The following DCDC2C variants were observed in gnomAD, a reference collection of about 807,000 sequenced individuals.
DCDC2C encodes doublecortin domain containing 2C, also known as doublecortin domain-containing protein 2C.
DCDC2C carries 44 observed loss-of-function variants against 45.0 expected under a neutral mutation model. The ratio of observed to expected loss-of-function variants is 0.98; its 90% confidence interval spans 0.77 to 1.26. DCDC2C has a LOEUF of 1.26. DCDC2C is among the 50% of genes most tolerant of loss of function. DCDC2C has a pLI of 0.00. For synonymous variants in DCDC2C, 187 were observed against 178.8 expected, an observed-to-expected ratio of 1.05 and a Z score of -0.37; for missense variants, 447 against 468.9, an observed-to-expected ratio of 0.95 and a Z score of 0.43.
At chr2:3,746,739 A>G (rs886284563) in intron 4 of DCDC2C, among the ~76,000 whole-genome samples, 6 of 152,356 alleles carry the variant, frequency 3.9e-5, no homozygotes, top group African/African-American at 9.6e-5. Flanking sequence ...TAAGGGAAAC[A>G]GATACACTGC....
intron 1 of DCDC2C, among the ~76,000 whole-genome samples, chr2:3,705,358 A>G (rs1379087638): frequency 6.6e-6 from 1 of 152,194 alleles, no homozygotes; most frequent in African/African-American, 2.4e-5. Flanking sequence ...GAATTCATGG[A>G]CAAAATTATA....
chr2:3,769,516 C>T, intron 8 of DCDC2C, 105 bp downstream of exon 8: 1 of 1,013,364 alleles, frequency 9.9e-7, no homozygotes, highest in South Asian at 1.5e-5. Flanking sequence ...TCTCTCTGGA[C>T]TCTAGAATGT....
In DCDC2C at chr2:3,847,300, C is replaced by T. The variant is rs1342092593; in HGVS notation, c.*117C>T. 2 of 657,484 alleles carry T rather than the reference C, an allele frequency of 3.0e-6. No individual in the cohort carries two copies. The highest frequency in any genetic ancestry group is 4.3e-6 in the Non-Finnish European group (2 of 464,272). The allele number at this position is 657,484 out of a possible 1,614,324, so 40.7% of individuals were successfully genotyped here. A position where few individuals can be genotyped will look rare whatever the true frequency, so the allele number is the denominator to read the frequency against. ...CATGTGGGGTGAAACTAAAGCCCCA[C>T]ACAGTGGTGTCTTCTCGAAAGCCAA... is the stretch of plus-strand genomic sequence containing the variant. On this transcript the variant is annotated 3_prime_UTR_variant, in exon 11 of 11. Transcript: ENST00000399143.
At chr2:3,713,855 A>G (rs1668282801) in intron 2 of DCDC2C, among the ~76,000 whole-genome samples, 2 of 152,358 alleles carry the variant, frequency 1.3e-5, no homozygotes, top group African/African-American at 2.4e-5. Flanking sequence ...CTCAATAAGT[A>G]GTTAGTGCTA....
intron 10 of DCDC2C, among the ~76,000 whole-genome samples, chr2:3,806,677 G>A (rs1572631937): frequency 6.6e-6 from 1 of 151,884 alleles, no homozygotes; most frequent in African/African-American, 2.4e-5. Context: ...TGAGTAGCTG[G>A]GATTACAGGC....
At chr2:3,771,758 G>A (rs1037403947) in intron 8 of DCDC2C, among the ~76,000 whole-genome samples, 1 of 152,168 alleles carries the variant, frequency 6.6e-6, no homozygotes, top group African/African-American at 2.4e-5. Flanking sequence ...GAGAACTTGC[G>A]CGAGCGTGGC....
Position 3,703,977 on chromosome 2 carries a change from G to C in DCDC2C, c.226G>C (p.Asp76His). ...PTRGHRVLGLDALQAGGKYVA... is the reference protein window; with the variant it reads ...PTRGHRVLGLHALQAGGKYVA... ...GCGTGGGCACCGGGTGCTGGGGCTGGACGCGCTGCAGGCGGGCGGCAAGTA... is the reference window on the plus strand; with the variant it reads ...GCGTGGGCACCGGGTGCTGGGGCTGCACGCGCTGCAGGCGGGCGGCAAGTA... The change falls in exon 1 of 11, where the codon GAC becomes CAC. Residue 76 changes from aspartate to histidine, a missense_variant. Transcript: ENST00000399143. This position sits in a 1 kb window ranked among gnomAD's most constrained non-coding sequence, Gnocchi z 4.4. 7.7e-7 allele frequency: 1 copy of C among 1,304,010 alleles called. No homozygotes were observed. The allele number at this position is 1,304,010 out of a possible 1,614,324, so 80.8% of individuals were successfully genotyped here.
chr2:3,792,962 G>C (rs1024761221), intron 10 of DCDC2C, among the ~76,000 whole-genome samples: 1 of 152,200 alleles, frequency 6.6e-6, no homozygotes, highest in Non-Finnish European at 1.5e-5. Context: ...GCATCTGGGA[G>C]TTTTAACTCA....
intron 10 of DCDC2C, among the ~76,000 whole-genome samples, chr2:3,816,712 C>G (rs932455295): frequency 6.6e-6 from 1 of 152,150 alleles, no homozygotes; most frequent in Admixed American, 6.5e-5. Context: ...TTAAGAGAGA[C>G]TTAAGGGTGG....
At chr2:3,729,374 C>T (rs563705052) in intron 3 of DCDC2C, among the ~76,000 whole-genome samples, 4 of 152,346 alleles carry the variant, frequency 2.6e-5, no homozygotes, top group African/African-American at 9.6e-5. Flanking sequence ...AAGATAGACA[C>T]AGCTGGACAT....
chr2:3,763,425 A>G (rs1454547171), intron 6 of DCDC2C, among the ~76,000 whole-genome samples: 1 of 152,140 alleles, frequency 6.6e-6, no homozygotes, highest in Non-Finnish European at 1.5e-5. Flanking sequence ...ATGGTCATGG[A>G]TTTTTCTAAA....
intron 3 of DCDC2C, among the ~76,000 whole-genome samples, chr2:3,728,375 A>G (rs964051864): frequency 6.6e-6 from 1 of 152,214 alleles, no homozygotes; most frequent in Non-Finnish European, 1.5e-5. Context: ...TTTTGAAATA[A>G]TAAGACACAG....
intron 9 of DCDC2C, among the ~76,000 whole-genome samples, chr2:3,783,860 C>T (rs1356703800): frequency 6.6e-6 from 1 of 152,208 alleles, no homozygotes; most frequent in Non-Finnish European, 1.5e-5. Context: ...TAGTGTTTAT[C>T]TACATGAAAA....
At chr2:3,829,100 C>T (rs1435204058) in intron 10 of DCDC2C, among the ~76,000 whole-genome samples, 4 of 152,138 alleles carry the variant, frequency 2.6e-5, no homozygotes, top group Non-Finnish European at 2.9e-5. Context: ...CAGGAACGCA[C>T]GGTCACGCTG....
intron 10 of DCDC2C, among the ~76,000 whole-genome samples, chr2:3,788,174 C>T (rs550433810): frequency 1.2e-3 from 176 of 152,028 alleles, no homozygotes; most frequent in Non-Finnish European, 1.5e-3. Flanking sequence ...ATTTTTTTGA[C>T]GATAGTGACA....
chr2:3,764,213 A>G (rs1572597832), intron 6 of DCDC2C, among the ~76,000 whole-genome samples: 1 of 152,204 alleles, frequency 6.6e-6, no homozygotes, highest in African/African-American at 2.4e-5. Flanking sequence ...GTTTAAACTG[A>G]GCAAAATTAA....
At chr2:3,791,351 G>A (rs543996374) in intron 10 of DCDC2C, among the ~76,000 whole-genome samples, 1 of 152,104 alleles carries the variant, frequency 6.6e-6, no homozygotes, top group African/African-American at 2.4e-5. Flanking sequence ...TCAAACACAC[G>A]GTATTGCATT....
intron 4 of DCDC2C, among the ~76,000 whole-genome samples, chr2:3,748,167 C>T (rs573884882): frequency 6.6e-6 from 1 of 152,006 alleles, no homozygotes; most frequent in Non-Finnish European, 1.5e-5. Flanking sequence ...GGTGGGAATC[C>T]ATTGGCGGAT....
chr2:3,765,539 T>C (rs1669987643), intron 6 of DCDC2C, among the ~76,000 whole-genome samples: 1 of 152,120 alleles, frequency 6.6e-6, no homozygotes, highest in Non-Finnish European at 1.5e-5. Context: ...CTGTGCTAGG[T>C]TAAGGAGTTT....
Sources: allele counts gnomAD v4.1 joint callset (sites outside exome capture counted in the v4.1 genomes callset), GRCh38; gene constraint gnomAD v4.1.1; non-coding constraint Gnocchi (gnomAD v3.1); transcripts MANE v1.5; gene names NCBI Gene and HGNC (gene_info 2026-07-23, HGNC 2026-07-21).